RORA: variants seen among roughly 807,000 people sequenced by gnomAD.
RORA encodes the protein nuclear receptor ROR-alpha.
Under a neutral mutation model 69.5 loss-of-function variants are expected in RORA, and 7 were observed. The observed-to-expected ratio is 0.10, with a 90% CI of 0.06 to 0.19. The LOEUF (loss-of-function observed/expected upper bound fraction) is 0.19. RORA is among the 10% of genes least tolerant of loss of function. The probability of loss-of-function intolerance (pLI) is 1.00; values close to 1 mark genes in which losing one functional copy is unlikely to be tolerated. For synonymous variants in RORA, 261 were observed against 240.8 expected, an observed-to-expected ratio of 1.08 and a Z score of -0.78; for missense variants, 457 against 663.0, an observed-to-expected ratio of 0.69 and a Z score of 3.41.
intron 1 of RORA, among the ~76,000 whole-genome samples, chr15:61,187,771 G>C (rs1249261388): frequency 1.3e-5 from 2 of 152,182 alleles, no homozygotes; most frequent in Non-Finnish European, 2.9e-5. Flanking sequence ...CTGTTGGCAA[G>C]AGCTGCTGCG....
chr15:60,917,429 T>C (rs762810978), intron 1 of RORA, among the ~76,000 whole-genome samples: 2 of 152,182 alleles, frequency 1.3e-5, no homozygotes, highest in Non-Finnish European at 2.9e-5. Flanking sequence ...GTAACAGCGT[T>C]AGTTTTCTGT....
intron 2 of RORA, among the ~76,000 whole-genome samples, chr15:60,610,043 T>C (rs1220084009): frequency 6.6e-6 from 1 of 151,996 alleles, no homozygotes; most frequent in East Asian, 1.9e-4. Flanking sequence ...AGAGATTTAA[T>C]ACAATCTGGA....
At chr15:60,834,004 C>T (rs1388766701) in intron 1 of RORA, among the ~76,000 whole-genome samples, 1 of 152,220 alleles carries the variant, frequency 6.6e-6, no homozygotes, top group African/African-American at 2.4e-5. Context: ...TCTTCAGAAG[C>T]TATCCTTTCT....
At chr15:61,160,395 C>T (rs1279031003) in intron 1 of RORA, among the ~76,000 whole-genome samples, 2 of 152,208 alleles carry the variant, frequency 1.3e-5, no homozygotes, top group Non-Finnish European at 2.9e-5. Context: ...CACATTTTCA[C>T]AGCATTGCTG....
intron 1 of RORA, among the ~76,000 whole-genome samples, chr15:61,079,609 T>G (rs1013093081): frequency 6.6e-5 from 10 of 152,230 alleles, no homozygotes; most frequent in African/African-American, 2.2e-4. Flanking sequence ...ATTGGCATTG[T>G]TGAATTTTTT....
chr15:60,561,091 T>TTG (rs1391770555), intron 2 of RORA, among the ~76,000 whole-genome samples: 8 of 150,298 alleles, frequency 5.3e-5, no homozygotes, highest in Non-Finnish European at 8.9e-5. Flanking sequence ...TGTTTTTTTT[T>TTG]TTGTTTTTGA....
chr15:60,519,105 A>G (rs983807764), intron 3 of RORA, among the ~76,000 whole-genome samples: 1 of 152,090 alleles, frequency 6.6e-6, no homozygotes, highest in Non-Finnish European at 1.5e-5. Context: ...GATGTATGGG[A>G]GAAAACAGTA....
intron 7 of RORA, among the ~76,000 whole-genome samples, 174 bp from the exon 8 acceptor site, chr15:60,503,041 A>G (rs2065380468): frequency 6.6e-6 from 1 of 152,208 alleles, no homozygotes; most frequent in Admixed American, 6.5e-5. Flanking sequence ...AGAGTTTTCT[A>G]TGTAATTAAA....
intron 2 of RORA, among the ~76,000 whole-genome samples, chr15:60,545,773 T>C (rs1185353537): frequency 2.6e-5 from 4 of 152,238 alleles, no homozygotes; most frequent in African/African-American, 9.7e-5. Context: ...AAAGAATGTC[T>C]TCTTTGGGCA....
intron 1 of RORA, among the ~76,000 whole-genome samples, chr15:60,810,597 C>T (rs2072730035): frequency 6.6e-6 from 1 of 152,126 alleles, no homozygotes; most frequent in Admixed American, 6.6e-5. Context: ...TAATTTATTA[C>T]AGCTCATTAT....
At chr15:60,545,679 A>T (rs1221221199) in intron 2 of RORA, among the ~76,000 whole-genome samples, 1 of 152,200 alleles carries the variant, frequency 6.6e-6, no homozygotes, top group Non-Finnish European at 1.5e-5. Context: ...TTCACTGCCC[A>T]ATTAGCGTGG....
intron 2 of RORA, among the ~76,000 whole-genome samples, chr15:60,668,908 G>A (rs1471254765): frequency 6.6e-6 from 1 of 152,168 alleles, no homozygotes; most frequent in Non-Finnish European, 1.5e-5. Context: ...TACCATAATT[G>A]TCCAGCTACA....
intron 1 of RORA, among the ~76,000 whole-genome samples, chr15:60,903,685 C>T (rs989746989): frequency 2.6e-5 from 4 of 152,146 alleles, no homozygotes; most frequent in Non-Finnish European, 4.4e-5. Context: ...GAGTGCACAC[C>T]TTATTTGGAA....
intron 2 of RORA, among the ~76,000 whole-genome samples, chr15:60,638,722 T>C (rs1241113223): frequency 6.6e-6 from 1 of 152,206 alleles, no homozygotes; most frequent in African/African-American, 2.4e-5. Context: ...AGGAATTCTT[T>C]TGTAGTGGGC....
intron 1 of RORA, among the ~76,000 whole-genome samples, chr15:60,760,492 C>A (rs2071870044): frequency 5.9e-5 from 9 of 152,026 alleles, no homozygotes. Flanking sequence ...GGATTAAAGC[C>A]CTTTCTCCCA....
intron 3 of RORA, among the ~76,000 whole-genome samples, chr15:60,518,618 C>G (rs1407728891): frequency 6.6e-6 from 1 of 152,210 alleles, no homozygotes; most frequent in South Asian, 2.1e-4. Context: ...GATTCCCCTG[C>G]CCTGGTCACC....
At chr15:60,562,222 A>G (rs933161213) in intron 2 of RORA, among the ~76,000 whole-genome samples, 1 of 152,100 alleles carries the variant, frequency 6.6e-6, no homozygotes, top group African/African-American at 2.4e-5. Context: ...GGCATGAGCC[A>G]CTGCGCCCTG....
chr15:60,504,838 A>G (rs2065447406), intron 6 of RORA, among the ~76,000 whole-genome samples: 1 of 152,136 alleles, frequency 6.6e-6, no homozygotes, highest in African/African-American at 2.4e-5. Context: ...TTAGTTTCAG[A>G]CTGTTCCCAC....
At chr15:60,598,704 A>G (rs1319114396) in intron 2 of RORA, among the ~76,000 whole-genome samples, 1 of 152,238 alleles carries the variant, frequency 6.6e-6, no homozygotes, top group African/African-American at 2.4e-5. Flanking sequence ...TTCAAAAGTT[A>G]TATGCAGATT....
Sources: allele counts gnomAD v4.1 joint callset (sites outside exome capture counted in the v4.1 genomes callset), GRCh38; gene constraint gnomAD v4.1.1; transcripts MANE v1.5; gene names NCBI Gene and HGNC (gene_info 2026-07-23, HGNC 2026-07-21).